TNFRSF10C: variants seen among roughly 807,000 people sequenced by gnomAD.
The protein encoded by TNFRSF10C is TNF receptor superfamily member 10c, also known as tumor necrosis factor receptor superfamily member 10C.
A neutral mutation model predicts 16.7 loss-of-function variants in TNFRSF10C; 17 were observed. The ratio of observed to expected loss-of-function variants is 1.02; its 90% CI spans 0.70 to 1.53. The LOEUF (loss-of-function observed/expected upper bound fraction) is 1.53. Among genes scored for constraint, TNFRSF10C ranks in the 40% most tolerant of loss-of-function variants. TNFRSF10C has a pLI of 0.00. For missense variants in TNFRSF10C, 237 were observed against 329.7 expected (o/e 0.72, Z 2.18); for synonymous variants, 73 against 119.7 (o/e 0.61, Z 2.55).
At chr8:23,105,924 T>C (rs550450341) in intron 1 of TNFRSF10C, among the ~76,000 whole-genome samples, 5 of 152,304 alleles carry the variant, frequency 3.3e-5, no homozygotes, top group African/African-American at 1.2e-4. Context: ...TAGAGTTCTC[T>C]GAGCAGCTGC....
intron 1 of TNFRSF10C, among the ~76,000 whole-genome samples, chr8:23,104,544 G>A (rs1159758352): frequency 1.3e-5 from 2 of 152,138 alleles, no homozygotes; most frequent in African/African-American, 4.8e-5. Context: ...AGCTTATTGG[G>A]CAACTCCTTA....
In TNFRSF10C at chr8:23,103,106, C is replaced by G; in HGVS notation, c.-16C>G. ...GGGTGCGACCCAGGACCCAGGACGG[C>G]GTCGGGAACCATACCATGGCCCGGA... On this transcript the variant is annotated 5_prime_UTR_variant, in exon 1 of 5. Coordinates refer to ENST00000356864, the MANE Select transcript of TNFRSF10C (RefSeq NM_003841.5). The G allele has an allele frequency of 6.2e-7, 1 of 1,608,880 alleles. No homozygotes were observed. The highest frequency in any genetic ancestry group is 8.5e-7 in the Non-Finnish European group (1 of 1,178,018).
intron 2 of TNFRSF10C, among the ~76,000 whole-genome samples, chr8:23,113,079 G>A (rs1409588686): frequency 1.3e-5 from 2 of 152,046 alleles, no homozygotes; most frequent in African/African-American, 4.8e-5. Flanking sequence ...ATACTTTTTG[G>A]CCACTTCTAT....
chr8:23,115,564 G>A lies in TNFRSF10C; in HGVS notation c.337G>A (p.Glu113Lys). 6.2e-7 allele frequency: 1 copy of A among 1,613,584 alleles called. No individual in the cohort carries two copies. The highest frequency in any genetic ancestry group is 8.5e-7 in the Non-Finnish European group (1 of 1,179,770). Residue 113 changes from glutamate (E) to lysine (K), a missense_variant, in exon 4 of 5, where the codon GAA becomes AAA. Transcript: ENST00000356864. ...MTRDTVCQCKEGTFRNENSPE... is the reference protein window; with the variant it reads ...MTRDTVCQCKKGTFRNENSPE... ...CAGAGACACAGTGTGTCAGTGTAAA[G>A]AAGGCACCTTCCGGAATGAAAACTC...
chr8:23,111,985 T>C (rs1454015071), intron 2 of TNFRSF10C, among the ~76,000 whole-genome samples, 160 bp downstream of exon 2: 2 of 152,222 alleles, frequency 1.3e-5, no homozygotes, highest in Admixed American at 1.3e-4. Flanking sequence ...GTAAGAACAC[T>C]TAAAAATCTG....
chr8:23,108,241 G>T (rs1813814931), intron 1 of TNFRSF10C, among the ~76,000 whole-genome samples: 2 of 152,152 alleles, frequency 1.3e-5, no homozygotes, highest in African/African-American at 4.8e-5. Flanking sequence ...CCAAGCAGGT[G>T]ACTTGAGAAA....
intron 1 of TNFRSF10C, 61 bp from the exon 2 acceptor site, chr8:23,111,659 G>A (rs1813879893): frequency 3.0e-6 from 4 of 1,325,208 alleles, no homozygotes; most frequent in Non-Finnish European, 4.3e-6. Context: ...AATGTGAGAT[G>A]GAGCCTGGGA....
intron 4 of TNFRSF10C, among the ~76,000 whole-genome samples, chr8:23,116,000 A>T (rs1378510166): frequency 1.3e-5 from 2 of 152,314 alleles, no homozygotes; most frequent in South Asian, 2.1e-4. Context: ...AAGCTGTTTT[A>T]AAAAATGTTC....
chr8:23,117,256 C>A lies in TNFRSF10C; in HGVS notation c.*225C>A. The A allele has an allele frequency of 1.5e-6, 1 of 661,014 alleles. No homozygotes were observed. Among genetic ancestry groups the A allele is most frequent in the Non-Finnish European group, 2.5e-6 (1 of 398,552 alleles). 40.9% of individuals were successfully genotyped at this position (661,014 alleles called of 1,614,324 possible). ...CCCGTGCACCCCCCAGGACCCTGGTCTCATCAGTCCCTCTCCTGGAGCTGG... is the reference window on the plus strand; with the variant it reads ...CCCGTGCACCCCCCAGGACCCTGGTATCATCAGTCCCTCTCCTGGAGCTGG... On this transcript the variant is annotated 3_prime_UTR_variant, in exon 5 of 5. Transcript: ENST00000356864.
intron 2 of TNFRSF10C, among the ~76,000 whole-genome samples, chr8:23,114,296 G>T (rs1563344982): frequency 6.6e-6 from 1 of 151,960 alleles, no homozygotes; most frequent in Non-Finnish European, 1.5e-5. Flanking sequence ...GTGAGTGACG[G>T]CGTAAAAAAA....
chr8:23,103,844 A>G (rs1813717981), intron 1 of TNFRSF10C, among the ~76,000 whole-genome samples: 1 of 152,200 alleles, frequency 6.6e-6, no homozygotes, highest in African/African-American at 2.4e-5. Context: ...GAGTGCAAGG[A>G]CATATTATGT....
intron 1 of TNFRSF10C, among the ~76,000 whole-genome samples, chr8:23,110,508 G>T (rs1813860952): frequency 6.6e-6 from 1 of 152,172 alleles, no homozygotes; most frequent in Non-Finnish European, 1.5e-5. Flanking sequence ...GAATTCTTTA[G>T]TGTGTACTTT....
chr8:23,111,802 T>A lies in TNFRSF10C; in HGVS notation c.143T>A (p.Phe48Tyr). 1 of 1,614,100 alleles carries A rather than the reference T, an allele frequency of 6.2e-7. No individual in the cohort carries two copies. The highest frequency in any genetic ancestry group is 8.5e-7 in the Non-Finnish European group (1 of 1,180,008). The part of the protein sequence containing the change: ...TVAPQQQRHS[F>Y]KGEECPAGSH... Reference sequence around the variant, plus strand: ...GCCCCACAGCAACAGAGGCACAGCTTCAAGGGGGAGGAGTGTCCAGCAGGT... The same window carrying A: ...GCCCCACAGCAACAGAGGCACAGCTACAAGGGGGAGGAGTGTCCAGCAGGT... Residue 48 changes from phenylalanine (F) to tyrosine (Y), a missense_variant, in exon 2 of 5, where the codon TTC becomes TAC. By Grantham distance (22) the Phe-to-Tyr change is conservative (BLOSUM62 3). Transcript: ENST00000356864.
chr8:23,103,314 G>A (rs1390337273), intron 1 of TNFRSF10C, 133 bp downstream of exon 1: 2 of 1,474,576 alleles, frequency 1.4e-6, no homozygotes, highest in South Asian at 1.2e-5. Flanking sequence ...GGACGAACTC[G>A]CCGTCGGAGT....
At position 23,110,069 on chromosome 8, in the gene TNFRSF10C, C is replaced by CAAAAAAAAAAAAAAAA. The variant is rs56263402; in HGVS notation, c.61-1640_61-1625dup. On this transcript the variant is annotated intron_variant, in intron 1 of 4. Transcript: ENST00000356864. ...GGAGGACAGAGGGAGACCCTGTCTC[C>CAAAAAAAAAAAAAAAA]AAAAAAAAAAAAAAAAAAAAAAAAA... Among the ~76,000 whole-genome samples the CAAAAAAAAAAAAAAAA allele has an allele frequency of 1.2e-3, 48 of 39,630 alleles. 8 individuals carry two copies. The highest frequency in any genetic ancestry group is 6.5e-3 in the East Asian group (7 of 1,070). The allele number at this position is 39,630 out of a possible 152,430, so 26.0% of individuals were successfully genotyped here.
intron 3 of TNFRSF10C, among the ~76,000 whole-genome samples, chr8:23,115,227 C>T (rs1022748450): frequency 6.6e-6 from 1 of 152,150 alleles, no homozygotes; most frequent in African/African-American, 2.4e-5. Context: ...AGGTGATGCC[C>T]TTGCACCTCC....
At chr8:23,112,866 T>A (rs1055053736) in intron 2 of TNFRSF10C, among the ~76,000 whole-genome samples, 1 of 152,236 alleles carries the variant, frequency 6.6e-6, no homozygotes, top group Non-Finnish European at 1.5e-5. Context: ...ATAGTTGTTC[T>A]ATTTTTTGTT....
intron 1 of TNFRSF10C, 111 bp from the exon 2 acceptor site, chr8:23,111,609 T>C: frequency 2.4e-6 from 2 of 832,466 alleles, no homozygotes; most frequent in Non-Finnish European, 4.0e-6. Flanking sequence ...CTGGAAAAAA[T>C]GTCCAAGCTC....
At position 23,109,782 on chromosome 8, in the gene TNFRSF10C, C is replaced by T. The variant is rs955347161; in HGVS notation, c.61-1938C>T. On this transcript the variant is annotated intron_variant, in intron 1 of 4. Transcript: ENST00000356864. The stretch of plus-strand genomic sequence containing the variant: ...CAAACCACAGAAAGAACTGAGAAAA[C>T]CAACTGTGTGCGGTGGCTTACGCCT... Among the ~76,000 whole-genome samples the T allele has an allele frequency of 2.0e-5, 3 of 151,968 alleles. 1 individual carries two copies. The South Asian group carries it at 6.2e-4, about 32-fold the overall frequency.
Sources: gnomAD v4.1 joint callset for allele counts (sites outside exome capture counted in the v4.1 genomes callset) on GRCh38, gnomAD v4.1.1 for gene constraint, MANE v1.5 for transcripts, NCBI Gene and HGNC (gene_info 2026-07-23, HGNC 2026-07-21) for gene names.